EDA: variants seen among roughly 807,000 people sequenced by gnomAD.
EDA encodes ectodysplasin A.
EDA carries 2 observed loss-of-function variants against 23.6 expected under a neutral mutation model. The ratio of observed to expected loss-of-function variants is 0.08; its 90% confidence interval spans 0.03 to 0.27. The LOEUF is 0.27. Ranked by LOEUF, EDA falls within the 10% of genes least tolerant of loss-of-function variation. The pLI is 1.00. For missense variants in EDA, 229 were observed against 324.2 expected (o/e 0.71, Z 2.26); for synonymous variants, 131 against 132.0 (o/e 0.99, Z 0.05).
At chrX:70,034,742 G>A (rs2020241545) in intron 7 of EDA, among the ~76,000 whole-genome samples, 1 of 111,624 alleles carries the variant, frequency 9.0e-6, no homozygotes, top group Non-Finnish European at 1.9e-5. Context: ...TCTTGTTTGT[G>A]GTAGCTAGCT....
chrX:69,749,919 GTTCTTTTTTTT>G (rs1431849067), intron 1 of EDA, among the ~76,000 whole-genome samples: 3 of 48,607 alleles, frequency 6.2e-5, no homozygotes, highest in African/African-American at 2.1e-4. Flanking sequence ...TCTCACTAAG[GTTCTTTTTTTT>G]TTTTTTTTTT....
intron 1 of EDA, among the ~76,000 whole-genome samples, chrX:69,751,981 G>A (rs1426799247): frequency 1.8e-5 from 2 of 110,726 alleles, no homozygotes; most frequent in East Asian, 5.7e-4. Flanking sequence ...TTTGGGCTGC[G>A]ACGATGGGGT....
chrX:69,767,218 T>G (rs774287918), intron 1 of EDA, among the ~76,000 whole-genome samples: 1 of 111,721 alleles, frequency 9.0e-6, no homozygotes, highest in Non-Finnish European at 1.9e-5. Flanking sequence ...TACTTACTTT[T>G]TAGTACTTTT....
At position 69,670,525 on chromosome X, in the gene EDA, C is replaced by T. The variant is rs765789339; in HGVS notation, c.396+53821C>T. Among the ~76,000 whole-genome samples the T allele has an allele frequency of 2.7e-5, 3 of 110,593 alleles. 1 individual carries two copies. In the South Asian group the frequency reaches 1.2e-3, roughly 42 times the overall value. ...TCTCTATCTCTTCTCCTTTGAAAAT[C>T]CCATAATGTGAAAGTTTGTTTAATG... On this transcript the variant is annotated intron_variant, in intron 1 of 7. Coordinates refer to ENST00000374552, the MANE Select transcript of EDA (RefSeq NM_001399.5).
chrX:69,784,960 T>G (rs1238245196), intron 1 of EDA, among the ~76,000 whole-genome samples: 1 of 110,941 alleles, frequency 9.0e-6, no homozygotes, highest in Non-Finnish European at 1.9e-5. Context: ...CATCCTCTTT[T>G]ATTTCCTTGA....
chrX:70,020,854 C>G (rs2020023796), intron 2 of EDA, among the ~76,000 whole-genome samples: 1 of 111,649 alleles, frequency 9.0e-6, no homozygotes, highest in African/African-American at 3.3e-5. Context: ...TGTAAAAATA[C>G]CTATTTATAT....
intron 1 of EDA, among the ~76,000 whole-genome samples, chrX:69,741,088 T>C (rs1414238912): frequency 9.1e-6 from 1 of 110,363 alleles, no homozygotes; most frequent in Non-Finnish European, 1.9e-5. Context: ...GGCATTGTTA[T>C]CATAGCTTCC....
intron 1 of EDA, among the ~76,000 whole-genome samples, chrX:69,682,564 G>T (rs775356256): frequency 8.9e-6 from 1 of 112,067 alleles, no homozygotes; most frequent in Non-Finnish European, 1.9e-5. Context: ...GCAGTATTCG[G>T]GTGGGAGTGA....
intron 1 of EDA, among the ~76,000 whole-genome samples, chrX:69,710,088 TG>T: frequency 9.0e-6 from 1 of 111,687 alleles, no homozygotes; most frequent in Admixed American, 9.5e-5. Context: ...ATGTCCTGAA[TG>T]GTATTGCCTA....
intron 1 of EDA, among the ~76,000 whole-genome samples, chrX:69,700,006 G>A (rs975497981): frequency 7.2e-5 from 8 of 110,854 alleles, no homozygotes; most frequent in South Asian, 7.8e-4. Context: ...AGGGATATGC[G>A]GTCGGTTGTG....
chrX:69,802,801 GA>G (rs1239653645), intron 1 of EDA, among the ~76,000 whole-genome samples: 1 of 111,579 alleles, frequency 9.0e-6, no homozygotes, highest in African/African-American at 3.2e-5. Flanking sequence ...AAAATTTATT[GA>G]AGTCAAAAGA....
chrX:70,034,078 C>T (rs779398936), intron 7 of EDA, among the ~76,000 whole-genome samples: 4 of 111,665 alleles, frequency 3.6e-5, no homozygotes, highest in Non-Finnish European at 5.6e-5. Flanking sequence ...GTCATTCTCC[C>T]AGCCCTTTCT....
chrX:69,835,643 TG>T lies in EDA; in HGVS notation c.397-121381del, dbSNP rs767962859. On this transcript the variant is annotated intron_variant, in intron 1 of 7. Coordinates refer to ENST00000374552, the MANE Select transcript of EDA (RefSeq NM_001399.5). ...CTTTTTTCAAGGTTTTTTGCTTCCT[TG>T]GGATGGGTTCAAACATCCTCTTTTA... Among the ~76,000 whole-genome samples the T allele has an allele frequency of 6.0e-3, 672 of 111,558 alleles. 4 individuals are homozygous for T. Among genetic ancestry groups the T allele is most frequent in the South Asian group, 9.5e-3 (25 of 2,623 alleles).
intron 1 of EDA, among the ~76,000 whole-genome samples, chrX:69,681,871 G>A (rs1004042913): frequency 3.6e-5 from 4 of 111,811 alleles, no homozygotes; most frequent in Admixed American, 1.9e-4. Context: ...GTGAGGAACT[G>A]TGTTCCTTTG....
intron 1 of EDA, among the ~76,000 whole-genome samples, chrX:69,931,976 C>T (rs185085398): frequency 1.5e-4 from 17 of 112,244 alleles, no homozygotes; most frequent in African/African-American, 5.5e-4. Context: ...GATAAACAAA[C>T]TCTGTTACAT....
At chrX:69,892,220 A>G (rs1391876754) in intron 1 of EDA, among the ~76,000 whole-genome samples, 1 of 112,174 alleles carries the variant, frequency 8.9e-6, no homozygotes, top group Non-Finnish European at 1.9e-5. Context: ...TTTGAATGCC[A>G]TTTCTACTGA....
intron 1 of EDA, among the ~76,000 whole-genome samples, chrX:69,791,564 G>A (rs1378397111): frequency 8.9e-6 from 1 of 112,045 alleles, no homozygotes; most frequent in African/African-American, 3.2e-5. Context: ...AGAAATTAAA[G>A]CTGTAATTCA....
intron 1 of EDA, among the ~76,000 whole-genome samples, chrX:69,621,952 T>A (rs1932198146): frequency 9.0e-6 from 1 of 110,986 alleles, no homozygotes; most frequent in Non-Finnish European, 1.9e-5. Context: ...AGAGACAGGA[T>A]CTCTCTATGT....
At chrX:69,815,199 G>A (rs747677400) in intron 1 of EDA, among the ~76,000 whole-genome samples, 1 of 112,358 alleles carries the variant, frequency 8.9e-6, no homozygotes, top group Admixed American at 9.4e-5. Context: ...CAGTTCAGTC[G>A]ACTCAGCTGC....
Sources: gnomAD v4.1 joint callset for allele counts (sites outside exome capture counted in the v4.1 genomes callset) on GRCh38, gnomAD v4.1.1 for gene constraint, MANE v1.5 for transcripts, NCBI Gene and HGNC (gene_info 2026-07-23, HGNC 2026-07-21) for gene names.